ZNF385B: variants seen among roughly 807,000 people sequenced by gnomAD.
ZNF385B encodes zinc finger protein 385B, also known as zinc finger protein 533.
Under a neutral mutation model 39.2 loss-of-function variants are expected in ZNF385B, and 23 were observed. The ratio of observed to expected loss-of-function variants is 0.59; its 90% CI spans 0.42 to 0.83. The LOEUF is 0.83. ZNF385B is among the 40% of genes least tolerant of loss of function. ZNF385B has a pLI of 0.00. For missense variants in ZNF385B, 552 were observed against 598.9 expected (o/e 0.92, Z 0.82); for synonymous variants, 205 against 222.6 (o/e 0.92, Z 0.70).
intron 3 of ZNF385B, among the ~76,000 whole-genome samples, chr2:179,694,842 A>C (rs1464585101): frequency 6.6e-6 from 1 of 152,092 alleles, no homozygotes; most frequent in East Asian, 1.9e-4. Context: ...AGGCAGGAGA[A>C]TCTCTTGAAC....
chr2:179,443,619 C>T (rs1468767294), intron 9 of ZNF385B, 151 bp from the exon 10 acceptor site: 1 of 693,358 alleles, frequency 1.4e-6, no homozygotes, highest in African/African-American at 1.8e-5. Context: ...ATTATTTTCA[C>T]AATGCTGGTT....
At chr2:179,633,184 T>C (rs1413618530) in intron 3 of ZNF385B, among the ~76,000 whole-genome samples, 1 of 152,114 alleles carries the variant, frequency 6.6e-6, no homozygotes, top group Non-Finnish European at 1.5e-5. Context: ...AAAGAGGAAA[T>C]CCTTCCTAAC....
chr2:179,589,621 C>T (rs775340440), intron 3 of ZNF385B, among the ~76,000 whole-genome samples: 16 of 152,174 alleles, frequency 1.1e-4, no homozygotes, highest in Non-Finnish European at 1.9e-4. Flanking sequence ...TTTGTATATA[C>T]CCACTGATGC....
chr2:179,698,025 A>G (rs1228634171), intron 3 of ZNF385B, among the ~76,000 whole-genome samples: 2 of 152,150 alleles, frequency 1.3e-5, no homozygotes, highest in Non-Finnish European at 2.9e-5. Context: ...GGAACATCAT[A>G]CACCAGGGCC....
intron 3 of ZNF385B, among the ~76,000 whole-genome samples, chr2:179,586,239 T>C (rs1238550129): frequency 6.6e-6 from 1 of 152,164 alleles, no homozygotes; most frequent in Non-Finnish European, 1.5e-5. Context: ...TTGACAACTT[T>C]TCTTTTGGTG....
chr2:179,765,891 C>T (rs1175738194), intron 3 of ZNF385B, among the ~76,000 whole-genome samples: 2 of 152,080 alleles, frequency 1.3e-5, no homozygotes, highest in Non-Finnish European at 2.9e-5. Flanking sequence ...ACTAAGTTAC[C>T]TCAGCTCTTT....
chr2:179,658,033 G>C (rs3106688), intron 3 of ZNF385B, among the ~76,000 whole-genome samples: 3,733 of 152,222 alleles, frequency 0.025, 149 homozygotes, highest in African/African-American at 0.083. Flanking sequence ...CAAATGAAGA[G>C]GTCATGGATA....
chr2:179,449,911 C>T (rs34692803), intron 6 of ZNF385B, among the ~76,000 whole-genome samples: 22,607 of 151,110 alleles, frequency 0.15, 1,777 homozygotes, highest in African/African-American at 0.2. Flanking sequence ...GAGATATAGA[C>T]CAATGGAACA....
At chr2:179,667,079 G>A (rs975719085) in intron 3 of ZNF385B, among the ~76,000 whole-genome samples, 2 of 151,972 alleles carry the variant, frequency 1.3e-5, no homozygotes, top group African/African-American at 4.8e-5. Flanking sequence ...GGGTTTGGTG[G>A]CATAATACAA....
chr2:179,610,840 T>C (rs1171624770), intron 3 of ZNF385B, among the ~76,000 whole-genome samples: 3 of 152,178 alleles, frequency 2.0e-5, no homozygotes, highest in Non-Finnish European at 2.9e-5. Context: ...CATTTTTAGA[T>C]TGATCTCTTT....
chr2:179,631,859 A>AAAAC (rs1691253355), intron 3 of ZNF385B, among the ~76,000 whole-genome samples: 1 of 147,116 alleles, frequency 6.8e-6, no homozygotes, highest in African/African-American at 2.5e-5. Flanking sequence ...AAAAAACACA[A>AAAAC]AAACAAACAA....
intron 5 of ZNF385B, among the ~76,000 whole-genome samples, chr2:179,484,912 G>A (rs1339751840): frequency 1.3e-5 from 2 of 152,140 alleles, no homozygotes; most frequent in Admixed American, 6.5e-5. Flanking sequence ...AAGTACTGAC[G>A]CTAGAGTGCC....
At chr2:179,579,918 CTTACTG>C (rs1197098586) in intron 3 of ZNF385B, among the ~76,000 whole-genome samples, 5 of 152,142 alleles carry the variant, frequency 3.3e-5, no homozygotes, top group Non-Finnish European at 7.4e-5. Flanking sequence ...AACTTGCCCA[CTTACTG>C]TTAATAAGTG....
intron 4 of ZNF385B, among the ~76,000 whole-genome samples, chr2:179,525,786 G>C (rs2367643): frequency 0.75 from 114,573 of 152,092 alleles, 43,476 homozygotes; most frequent in East Asian, 0.91. Context: ...ATTCATGAAA[G>C]AACATGTTTA....
At chr2:179,775,725 A>T (rs1282173688) in intron 1 of ZNF385B, among the ~76,000 whole-genome samples, 2 of 152,208 alleles carry the variant, frequency 1.3e-5, no homozygotes, top group South Asian at 2.1e-4. Context: ...TGGAAAAAGC[A>T]TCTTAGAGGA....
chr2:179,661,128 G>A (rs933253151), intron 3 of ZNF385B, among the ~76,000 whole-genome samples: 2 of 152,050 alleles, frequency 1.3e-5, no homozygotes, highest in African/African-American at 2.4e-5. Flanking sequence ...TTAAAAATAG[G>A]AAAACTGAGG....
chr2:179,771,659 ATAT>A (rs1268786008), intron 1 of ZNF385B, among the ~76,000 whole-genome samples: 1 of 152,222 alleles, frequency 6.6e-6, no homozygotes, highest in Non-Finnish European at 1.5e-5. Flanking sequence ...TAAACCTAAG[ATAT>A]TATGTTATCA....
chr2:179,804,817 C>T lies in ZNF385B; in HGVS notation c.-154-34145G>A, dbSNP rs536703258. Among the ~76,000 whole-genome samples, 21 of 152,314 alleles carry T rather than the reference C, an allele frequency of 1.4e-4. No homozygotes were observed. The South Asian group carries it at 4.2e-3, about 30-fold the overall frequency. ...ACTCCTATCCAAACACATTATGCTC[C>T]TTTGTGCCTCTGTTCTTACCCACTG... On this transcript the variant is annotated intron_variant, in intron 1 of 9. Coordinates refer to ENST00000410066, the MANE Select transcript of ZNF385B (RefSeq NM_152520.6).
intron 3 of ZNF385B, among the ~76,000 whole-genome samples, chr2:179,725,415 A>G (rs1700939397): frequency 6.6e-6 from 1 of 151,936 alleles, no homozygotes. Flanking sequence ...ACATATATAT[A>G]AAAACACATA....
Sources: gnomAD v4.1 joint callset for allele counts (sites outside exome capture counted in the v4.1 genomes callset) on GRCh38, gnomAD v4.1.1 for gene constraint, MANE v1.5 for transcripts, NCBI Gene and HGNC (gene_info 2026-07-23, HGNC 2026-07-21) for gene names.